The following FNIP2 variants were observed in gnomAD, a reference collection of about 807,000 sequenced individuals.
The protein encoded by FNIP2 is folliculin-interacting protein 2.
Under a neutral mutation model 108.7 loss-of-function variants are expected in FNIP2, and 32 were observed. The ratio of observed to expected loss-of-function variants is 0.29; its 90% CI spans 0.22 to 0.40. The LOEUF (loss-of-function observed/expected upper bound fraction) is 0.40, where lower values mean the gene tolerates loss of function less well. FNIP2 is among the 10% of genes least tolerant of loss of function. The pLI is 1.00. For missense variants in FNIP2, 1,202 were observed against 1,381.6 expected, an observed-to-expected ratio of 0.87 and a Z score of 2.06; for synonymous variants, 480 against 496.7, an observed-to-expected ratio of 0.97 and a Z score of 0.45.
At chr4:158,869,950 G>A (rs73858599) in intron 13 of FNIP2, among the ~76,000 whole-genome samples, 16 of 152,322 alleles carry the variant, frequency 1.1e-4, no homozygotes, top group African/African-American at 3.4e-4. Flanking sequence ...CTGTTCTTCC[G>A]CACTGTCGTG....
chr4:158,771,286 T>C (rs1775689941), intron 1 of FNIP2, among the ~76,000 whole-genome samples: 1 of 152,236 alleles, frequency 6.6e-6, no homozygotes, highest in Non-Finnish European at 1.5e-5. Flanking sequence ...GCAAGGATGC[T>C]GGACGATGGG....
chr4:158,836,877 G>A (rs1778843855), intron 7 of FNIP2, among the ~76,000 whole-genome samples: 1 of 145,896 alleles, frequency 6.9e-6, no homozygotes, highest in Non-Finnish European at 1.5e-5. Context: ...TTCACTTACA[G>A]CCATAACATA....
At position 158,906,518 on chromosome 4, in the gene FNIP2, A is replaced by G. The variant is rs889750021; in HGVS notation, c.*1974A>G. ...CTTTAAATCGTTGATTCTAAACTCT[A>G]TACATTAAAAAAATTCAGCCCAGGC... is the stretch of plus-strand genomic sequence containing the variant. On this transcript the variant is annotated 3_prime_UTR_variant, in exon 17 of 17. Coordinates refer to ENST00000264433, the MANE Select transcript of FNIP2 (RefSeq NM_020840.3). 2.0e-5 allele frequency: 3 copies of G among 152,202 alleles called. No homozygotes were observed. Among genetic ancestry groups the G allele is most frequent in the African/African-American group, 4.8e-5 (2 of 41,452 alleles). The allele number at this position is 152,202 out of a possible 1,614,324, so 9.4% of individuals were successfully genotyped here.
Position 158,868,706 on chromosome 4 carries a change from G to A in FNIP2, c.2070G>A (p.Met690Ile), listed in dbSNP as rs754947611. The A allele has an allele frequency of 2.5e-6, 4 of 1,614,024 alleles. No homozygotes were observed. Among genetic ancestry groups the A allele is most frequent in the Non-Finnish European group, 2.5e-6 (3 of 1,179,904 alleles). The change falls in exon 13 of 17, where the codon ATG (methionine) becomes ATA (isoleucine). Residue 690 changes from methionine (M) to isoleucine (I), a missense_variant. Physicochemically the swap from Met to Ile is conservative, Grantham distance 10 (BLOSUM62 1). Transcript: ENST00000264433. This position sits in a 1 kb window ranked among gnomAD's most constrained non-coding sequence, Gnocchi z 4.6. ...QAVCELLKVE[M>I]PTRLPDRSVA... ...TCTGTGAGCTGTTGAAAGTGGAGAT[G>A]CCTACAAGACTGCCAGACCGGTCAG... is the stretch of plus-strand genomic sequence containing the variant.
At position 158,905,694 on chromosome 4, in the gene FNIP2, C is replaced by CAAAAAAAAAAAA. The variant is rs11340968; in HGVS notation, c.*1155_*1166dup. ...CCAAAATGATTTCCTAAAGTTCATGCAAAAAAAAAAAAAAAACAACCTAAT... is the reference window on the plus strand; with the variant it reads ...CCAAAATGATTTCCTAAAGTTCATGCAAAAAAAAAAAAAAAAAAAAAAAAAAAACAACCTAAT... On this transcript the variant is annotated 3_prime_UTR_variant, in exon 17 of 17. Transcript: ENST00000264433. The CAAAAAAAAAAAA allele has an allele frequency of 8.4e-6, 1 of 118,418 alleles. No individual in the cohort carries two copies. Among genetic ancestry groups the CAAAAAAAAAAAA allele is most frequent in the Non-Finnish European group, 1.8e-5 (1 of 54,482 alleles). The allele number at this position is 118,418 out of a possible 1,614,324, so 7.3% of individuals were successfully genotyped here. A position where few individuals can be genotyped will look rare whatever the true frequency, so the allele number is the denominator to read the frequency against.
rs748542315 is a variant in FNIP2 at position 158,851,311 on chromosome 4, CT to C, written c.728-8del. ...GACCTCAACTTTCAAATTCCAAATT[CT>C]TCCTACAGCCTCACTAAGCAGTCTT... On this transcript the variant is annotated splice_polypyrimidine_tract_variant and intron_variant, in intron 7 of 16. Transcript: ENST00000264433. 3 of 1,613,644 alleles carry C rather than the reference CT, an allele frequency of 1.9e-6. No homozygotes were observed. Among genetic ancestry groups the C allele is most frequent in the South Asian group, 1.1e-5 (1 of 91,024 alleles).
chr4:158,782,234 C>A (rs1046228322), intron 1 of FNIP2, among the ~76,000 whole-genome samples: 2 of 152,092 alleles, frequency 1.3e-5, no homozygotes, highest in African/African-American at 2.4e-5. Flanking sequence ...ACACAGGGAC[C>A]CTAACTTAAA....
intron 6 of FNIP2, 143 bp from the exon 7 acceptor site, chr4:158,835,262 C>T: frequency 2.2e-6 from 1 of 448,270 alleles, no homozygotes; most frequent in Non-Finnish European, 4.1e-6. Flanking sequence ...TTTAATTTTG[C>T]CTTCTAGTTA....
intron 8 of FNIP2, among the ~76,000 whole-genome samples, chr4:158,852,833 TG>T (rs901602429): frequency 2.0e-5 from 3 of 152,120 alleles, no homozygotes; most frequent in Non-Finnish European, 2.9e-5. Context: ...TTTCTGAAAA[TG>T]TTTTTTTATC....
intron 1 of FNIP2, among the ~76,000 whole-genome samples, chr4:158,773,731 T>C (rs2126401221): frequency 6.6e-6 from 1 of 152,272 alleles, no homozygotes; most frequent in East Asian, 1.9e-4. Flanking sequence ...TGCATATTAG[T>C]TTTTTAACCT....
rs557424966 is a variant in FNIP2 at position 158,902,867 on chromosome 4, A to C, written c.3267-1599A>C. ...ACCTCAAACGTCCCAGGTCGACCTC[A>C]GACTGCTGTGCTGGCAGTGAGAATT... On this transcript the variant is annotated intron_variant, in intron 16 of 16. Transcript: ENST00000264433. 5.9e-5 allele frequency among the ~76,000 whole-genome samples: 9 copies of C among 152,080 alleles called. No homozygotes were observed. The East Asian group carries it at 1.4e-3, about 23-fold the overall frequency.
intron 8 of FNIP2, 32 bp downstream of exon 8, chr4:158,851,482 G>A: frequency 1.9e-6 from 3 of 1,613,286 alleles, no homozygotes; most frequent in Non-Finnish European, 2.5e-6. Context: ...GCTGAGAAAA[G>A]TAGGAGTGTA....
rs570339222 is a variant in FNIP2, at chr4:158,823,217, C to T, written c.108-2699C>T. ...ACTTTTAACAAAATCAACATATGTA[C>T]TATGTTATAATAATATATAGCTTCA... On this transcript the variant is annotated intron_variant, in intron 1 of 16. Transcript: ENST00000264433. 9.9e-5 allele frequency among the ~76,000 whole-genome samples: 15 copies of T among 152,198 alleles called. No homozygotes were observed. The South Asian group carries it at 3.1e-3, about 32-fold the overall frequency.
Position 158,904,779 on chromosome 4 carries a change from G to T in FNIP2, c.*235G>T. ...ACACTTTAGGCCATTTGTTACCCAT[G>T]AATCAACAAAGAAACTGACCTTTTT... On this transcript the variant is annotated 3_prime_UTR_variant, in exon 17 of 17. Transcript: ENST00000264433. 1 of 489,434 alleles carries T rather than the reference G, an allele frequency of 2.0e-6. No individual in the cohort carries two copies. The highest frequency in any genetic ancestry group is 1.9e-5 in the African/African-American group (1 of 51,876). The allele number at this position is 489,434 out of a possible 1,614,324, so 30.3% of individuals were successfully genotyped here. A position where few individuals can be genotyped will look rare whatever the true frequency, so the allele number is the denominator to read the frequency against.
At chr4:158,792,741 G>A (rs1578829403) in intron 1 of FNIP2, among the ~76,000 whole-genome samples, 1 of 152,242 alleles carries the variant, frequency 6.6e-6, no homozygotes, top group East Asian at 1.9e-4. Flanking sequence ...TGACTTTATA[G>A]AACATAACTG....
At chr4:158,776,386 T>A (rs1403499436) in intron 1 of FNIP2, among the ~76,000 whole-genome samples, 5 of 152,212 alleles carry the variant, frequency 3.3e-5, no homozygotes, top group African/African-American at 9.6e-5. Flanking sequence ...CAGCAGCAAA[T>A]TCACCAGTTC....
At chr4:158,863,042 A>G (rs1780383717) in intron 12 of FNIP2, among the ~76,000 whole-genome samples, 2 of 152,204 alleles carry the variant, frequency 1.3e-5, no homozygotes, top group South Asian at 2.1e-4. Flanking sequence ...TGGGTTCACA[A>G]TCCTCATCTT....
chr4:158,802,878 A>G (rs769510834), intron 1 of FNIP2, among the ~76,000 whole-genome samples: 4 of 152,222 alleles, frequency 2.6e-5, no homozygotes, highest in Non-Finnish European at 5.9e-5. Flanking sequence ...TGTGCTATTT[A>G]TTGATTCTTA....
At chr4:158,788,220 T>A (rs1400299292) in intron 1 of FNIP2, among the ~76,000 whole-genome samples, 1 of 152,220 alleles carries the variant, frequency 6.6e-6, no homozygotes. Flanking sequence ...AGTACTCTGA[T>A]TCCTGGAAGC....
Sources: allele counts gnomAD v4.1 joint callset (sites outside exome capture counted in the v4.1 genomes callset), GRCh38; gene constraint gnomAD v4.1.1; non-coding constraint Gnocchi (gnomAD v3.1); transcripts MANE v1.5; gene names NCBI Gene and HGNC (gene_info 2026-07-23, HGNC 2026-07-21).